Variants in SCML4 observed in about 807,000 individuals in gnomAD.
SCML4 encodes sex comb on midleg-like protein 4.
SCML4 carries 34 observed loss-of-function variants against 41.1 expected under a neutral mutation model. That is an observed-to-expected ratio of 0.83 (90% confidence interval 0.63 to 1.10). SCML4 has a LOEUF of 1.10. SCML4 is among the 50% of genes least tolerant of loss of function. The pLI is 0.00. For missense variants in SCML4, 522 were observed against 534.1 expected, an observed-to-expected ratio of 0.98 and a Z score of 0.22; for synonymous variants, 214 against 220.9, an observed-to-expected ratio of 0.97 and a Z score of 0.28.
intron 5 of SCML4, among the ~76,000 whole-genome samples, chr6:107,732,657 C>T (rs1302841273): frequency 6.6e-6 from 1 of 152,106 alleles, no homozygotes; most frequent in African/African-American, 2.4e-5. Flanking sequence ...CCTTTCTGTG[C>T]TCTCGGGAGG....
At chr6:107,781,354 G>A (rs1324219136) in intron 1 of SCML4, among the ~76,000 whole-genome samples, 1 of 152,124 alleles carries the variant, frequency 6.6e-6, no homozygotes, top group Non-Finnish European at 1.5e-5. Flanking sequence ...CAGGCCAAAA[G>A]AGGTTCCCCA....
intron 1 of SCML4, among the ~76,000 whole-genome samples, chr6:107,816,496 A>G (rs866778941): frequency 6.6e-6 from 1 of 152,174 alleles, no homozygotes; most frequent in African/African-American, 2.4e-5. Flanking sequence ...GTGCGGTTCC[A>G]TTTAGATGGA....
chr6:107,804,070 A>AAAG lies in SCML4; in HGVS notation c.-60+20055_-60+20056insCTT, dbSNP rs1298157810. Among the ~76,000 whole-genome samples, 1,299 of 132,408 alleles carry AAAG rather than the reference A, an allele frequency of 9.8e-3. 18 individuals carry two copies. The highest frequency in any genetic ancestry group is 0.045 in the African/African-American group (1,205 of 26,490). The allele number at this position is 132,408 out of a possible 152,430, so 86.9% of individuals were successfully genotyped here. The stretch of plus-strand genomic sequence containing the variant: ...ATAACAAAAAAAAAAAGAAAAAGAA[A>AAAG]AAAAAAAAAAAAGAGCATTGGCTCT... On this transcript the variant is annotated intron_variant, in intron 1 of 7. Transcript: ENST00000369020.
intron 5 of SCML4, among the ~76,000 whole-genome samples, chr6:107,734,942 C>T (rs534904385): frequency 6.6e-6 from 1 of 152,258 alleles, no homozygotes; most frequent in Non-Finnish European, 1.5e-5. Flanking sequence ...GTGGCACAAT[C>T]TCAGCTCACA....
At chr6:107,825,936 CA>C (rs71015515), upstream of SCML4, among the ~76,000 whole-genome samples, 67 of 62,622 alleles carry the variant, frequency 1.1e-3, no homozygotes, top group South Asian at 4.9e-3. Context: ...GACTCCATCT[CA>C]AAAAAAAAAA....
At chr6:107,766,739 G>C (rs1466018045) in intron 2 of SCML4, among the ~76,000 whole-genome samples, 1 of 152,164 alleles carries the variant, frequency 6.6e-6, no homozygotes, top group Non-Finnish European at 1.5e-5. Context: ...CTGGGGGGTA[G>C]GCAACAGAAG....
At chr6:107,738,283 C>CT (rs1220578515) in intron 5 of SCML4, among the ~76,000 whole-genome samples, 1 of 152,224 alleles carries the variant, frequency 6.6e-6, no homozygotes, top group African/African-American at 2.4e-5. Flanking sequence ...GCCAAGAACT[C>CT]TAACTTCCAG....
intron 1 of SCML4, among the ~76,000 whole-genome samples, chr6:107,818,956 G>A (rs1421855925): frequency 6.6e-6 from 1 of 152,196 alleles, no homozygotes; most frequent in African/African-American, 2.4e-5. Context: ...TTTCTCATCA[G>A]AGCAATGATG....
the SCML4 span, among the ~76,000 whole-genome samples, chr6:107,831,869 C>T: frequency 1.6e-4 from 23 of 147,832 alleles, no homozygotes; most frequent in South Asian, 4.5e-4. Context: ...CTGGCTAACA[C>T]GGTGAAACCC....
At chr6:107,707,835 C>G (rs1292026686) in intron 7 of SCML4, 31 bp downstream of exon 7, 5 of 1,551,426 alleles carry the variant, frequency 3.2e-6, no homozygotes, top group Non-Finnish European at 4.4e-6. Context: ...TCCCTCAATC[C>G]CCCCCAAGGT....
At chr6:107,778,265 A>ATATATATATATATATATAT (rs1781195419) in intron 1 of SCML4, among the ~76,000 whole-genome samples, 3 of 128,792 alleles carry the variant, frequency 2.3e-5, no homozygotes, top group East Asian at 2.0e-4. Context: ...ATATATATAT[A>ATATATATATATATATATAT]ACTTGAGAAT....
Position 107,746,661 on chromosome 6 carries a change from TCCTCATGCAACCTGCCCCAGGCCTTAC to T in SCML4, c.487+1_487+27del. 2 of 1,600,532 alleles carry T rather than the reference TCCTCATGCAACCTGCCCCAGGCCTTAC, an allele frequency of 1.2e-6. No homozygotes were observed. Among genetic ancestry groups the T allele is most frequent in the Non-Finnish European group, 1.7e-6 (2 of 1,169,004 alleles). The stretch of plus-strand genomic sequence containing the variant: ...CCTCTGCAGAGAGACATCCATGGCC[TCCTCATGCAACCTGCCCCAGGCCTTAC>T]CTGACACCATCTCACCACCATAGCC... On this transcript the variant is annotated splice_donor_variant and splice_donor_5th_base_variant and intron_variant, in intron 4 of 7. Transcript: ENST00000369020. LOFTEE classifies it high-confidence loss of function.
chr6:107,832,097 G>C, the SCML4 span, among the ~76,000 whole-genome samples: 1 of 151,246 alleles, frequency 6.6e-6, no homozygotes, highest in Admixed American at 6.6e-5. Context: ...AAATTAGCCC[G>C]GGGTGGTGGT....
chr6:107,769,850 T>C (rs1367456850), intron 2 of SCML4, among the ~76,000 whole-genome samples: 1 of 152,170 alleles, frequency 6.6e-6, no homozygotes, highest in African/African-American at 2.4e-5. Context: ...CCAGCTATAA[T>C]TGAGCTTGCA....
intron 1 of SCML4, among the ~76,000 whole-genome samples, chr6:107,796,163 T>A (rs1782694989): frequency 6.6e-6 from 1 of 152,194 alleles, no homozygotes; most frequent in Non-Finnish European, 1.5e-5. Context: ...TTTGTGGACA[T>A]ATGTTTTTAT....
intron 1 of SCML4, among the ~76,000 whole-genome samples, chr6:107,812,352 G>A (rs1784218349): frequency 6.6e-6 from 1 of 152,202 alleles, no homozygotes; most frequent in Admixed American, 6.5e-5. Flanking sequence ...ATACCAGAGA[G>A]CCCTAGCTCA....
the SCML4 span, among the ~76,000 whole-genome samples, chr6:107,841,257 C>G: frequency 1.3e-5 from 2 of 152,062 alleles, no homozygotes; most frequent in East Asian, 3.9e-4. Context: ...GCCAGGAGTT[C>G]AAGACCAGCC....
At chr6:107,776,023 TA>T (rs529858172) in intron 1 of SCML4, among the ~76,000 whole-genome samples, 8 of 151,880 alleles carry the variant, frequency 5.3e-5, no homozygotes, top group East Asian at 1.9e-4. Context: ...TAAATATACA[TA>T]AAAAAAGAAA....
intron 2 of SCML4, among the ~76,000 whole-genome samples, chr6:107,768,944 C>A (rs373379175): frequency 6.6e-6 from 1 of 152,110 alleles, no homozygotes; most frequent in Non-Finnish European, 1.5e-5. Flanking sequence ...TCACTGCAGC[C>A]CCCTCTGTTT....
Sources: gnomAD v4.1 joint callset for allele counts (sites outside exome capture counted in the v4.1 genomes callset) on GRCh38, gnomAD v4.1.1 for gene constraint, MANE v1.5 for transcripts, NCBI Gene and HGNC (gene_info 2026-07-23, HGNC 2026-07-21) for gene names.